Variants in GLT1D1 observed in about 807,000 individuals in gnomAD.
The protein encoded by GLT1D1 is glycosyltransferase 1 domain containing 1, also known as glycosyltransferase 1 domain-containing protein 1.
In GLT1D1, 21 loss-of-function variants were observed where a neutral mutation model predicts 28.7. The ratio of observed to expected loss-of-function variants is 0.73; its 90% CI spans 0.52 to 1.05. The LOEUF (loss-of-function observed/expected upper bound fraction) is 1.05, where lower values mean the gene tolerates loss of function less well. Ranked by LOEUF, GLT1D1 falls within the 50% of genes least tolerant of loss-of-function variation. The pLI is 0.00. For missense variants in GLT1D1, 343 were observed against 330.6 expected, an observed-to-expected ratio of 1.04 and a Z score of -0.29; for synonymous variants, 147 against 124.8, an observed-to-expected ratio of 1.18 and a Z score of -1.19.
intron 7 of GLT1D1, among the ~76,000 whole-genome samples, chr12:128,958,547 C>A (rs1269924406): frequency 2.8e-5 from 4 of 144,346 alleles, no homozygotes; most frequent in Non-Finnish European, 6.0e-5. Flanking sequence ...TTGAGACCAG[C>A]CTGGGCAACA....
At position 128,983,156 on chromosome 12, in the gene GLT1D1, T is replaced by A; in HGVS notation, c.*66T>A. ...TCTGGGTGCACACTCAGAGACAGAGTTCTGGATCACGTGGGCCCAGTGCAG... is the reference window on the plus strand; with the variant it reads ...TCTGGGTGCACACTCAGAGACAGAGATCTGGATCACGTGGGCCCAGTGCAG... On this transcript the variant is annotated 3_prime_UTR_variant, in exon 8 of 8. Transcript: ENST00000281703. The surrounding 1 kb of genome is among the most constrained non-coding windows in gnomAD (Gnocchi z 4.7). The A allele has an allele frequency of 6.8e-7, 1 of 1,480,366 alleles. No individual in the cohort carries two copies. The highest frequency in any genetic ancestry group is 1.4e-5 in the African/African-American group (1 of 71,880). 91.7% of individuals were successfully genotyped at this position (1,480,366 alleles called of 1,614,324 possible). A position where few individuals can be genotyped will look rare whatever the true frequency, so the allele number is the denominator to read the frequency against.
intron 4 of GLT1D1, among the ~76,000 whole-genome samples, chr12:128,925,839 T>C (rs1873146188): frequency 6.6e-6 from 1 of 151,908 alleles, no homozygotes. Context: ...CAGCCTGAGC[T>C]CAGCTCCATT....
intron 1 of GLT1D1, among the ~76,000 whole-genome samples, chr12:128,872,932 G>A (rs1459127278): frequency 6.6e-6 from 1 of 151,898 alleles, no homozygotes; most frequent in African/African-American, 2.4e-5. Context: ...TCGCTCTGTT[G>A]AGACCCAGGC....
intron 7 of GLT1D1, among the ~76,000 whole-genome samples, chr12:128,962,561 G>GCC (rs1878072365): frequency 6.6e-6 from 1 of 152,184 alleles, no homozygotes; most frequent in Non-Finnish European, 1.5e-5. Flanking sequence ...TGCAGGGGGT[G>GCC]AGGTGGCCTG....
chr12:128,876,366 T>C (rs1016225130), intron 2 of GLT1D1, among the ~76,000 whole-genome samples: 1 of 152,224 alleles, frequency 6.6e-6, no homozygotes, highest in Admixed American at 6.5e-5. Flanking sequence ...TGGAGTGCAG[T>C]GATACAATCT....
At chr12:128,892,239 G>A (rs1869143450) in intron 3 of GLT1D1, among the ~76,000 whole-genome samples, 2 of 152,050 alleles carry the variant, frequency 1.3e-5, no homozygotes, top group African/African-American at 4.8e-5. Context: ...GTGATTTGGG[G>A]GCCCAAGATA....
chr12:128,888,614 CT>C, intron 2 of GLT1D1, 24 bp from the exon 3 acceptor site: 1 of 1,517,732 alleles, frequency 6.6e-7, no homozygotes, highest in South Asian at 1.1e-5. Context: ...CTAAATTCTG[CT>C]TTGTGACTGT....
intron 3 of GLT1D1, among the ~76,000 whole-genome samples, chr12:128,897,314 G>A (rs1346688629): frequency 3.3e-5 from 5 of 152,078 alleles, no homozygotes; most frequent in Admixed American, 3.3e-4. Context: ...CATGTCAATT[G>A]CACATGTTTC....
chr12:128,975,362 G>A (rs895153203), intron 7 of GLT1D1, among the ~76,000 whole-genome samples: 1 of 152,140 alleles, frequency 6.6e-6, no homozygotes, highest in Non-Finnish European at 1.5e-5. Flanking sequence ...CTATGCACAG[G>A]GCTCATTGAC....
intron 6 of GLT1D1, among the ~76,000 whole-genome samples, chr12:128,947,728 T>C (rs1447251294): frequency 1.3e-5 from 2 of 152,190 alleles, no homozygotes; most frequent in South Asian, 2.1e-4. Context: ...CTTCTAAATA[T>C]CTCTGACAGG....
chr12:128,870,073 G>A (rs924744018), intron 1 of GLT1D1, among the ~76,000 whole-genome samples: 11 of 151,454 alleles, frequency 7.3e-5, no homozygotes, highest in African/African-American at 2.7e-4. Flanking sequence ...ACCATACCCA[G>A]CTACTTTTTG....
intron 3 of GLT1D1, among the ~76,000 whole-genome samples, chr12:128,897,779 C>T (rs1217528353): frequency 6.6e-6 from 1 of 152,170 alleles, no homozygotes; most frequent in African/African-American, 2.4e-5. Context: ...CACCATCCTC[C>T]TGCCTCAGCC....
chr12:128,893,363 G>A (rs992434279), intron 3 of GLT1D1, among the ~76,000 whole-genome samples: 1 of 152,158 alleles, frequency 6.6e-6, no homozygotes, highest in Admixed American at 6.5e-5. Flanking sequence ...CACACGATAG[G>A]TTAAACGAGG....
At chr12:128,886,092 G>C (rs1953871044) in intron 2 of GLT1D1, among the ~76,000 whole-genome samples, 1 of 152,148 alleles carries the variant, frequency 6.6e-6, no homozygotes, top group African/African-American at 2.4e-5. Context: ...TGCACACGCT[G>C]TCTTCTCTTG....
chr12:128,929,998 C>G (rs1287920519), intron 4 of GLT1D1, among the ~76,000 whole-genome samples: 1 of 152,042 alleles, frequency 6.6e-6, no homozygotes, highest in Admixed American at 6.6e-5. Context: ...CAAATAAAAA[C>G]ATCAAGGGCT....
rs982322059 is a variant in GLT1D1 at position 128,861,754 on chromosome 12, G to A, written c.68+8105G>A. Among the ~76,000 whole-genome samples the A allele has an allele frequency of 4.6e-5, 7 of 152,112 alleles. 1 individual carries two copies. The South Asian group carries it at 6.3e-4, about 14-fold the overall frequency. The stretch of plus-strand genomic sequence containing the variant: ...ACACGGACCAGAAAGGAGAGAAAGC[G>A]AAGGAAGAAATGCAAACATCCTTTG... On this transcript the variant is annotated intron_variant, in intron 1 of 7. Transcript: ENST00000281703.
intron 7 of GLT1D1, among the ~76,000 whole-genome samples, chr12:128,965,449 G>A (rs1236161811): frequency 1.3e-5 from 2 of 152,140 alleles, no homozygotes. Flanking sequence ...CAGGCTCGTG[G>A]GATGCTGAGC....
intron 2 of GLT1D1, among the ~76,000 whole-genome samples, chr12:128,888,292 C>T (rs1868626906): frequency 6.6e-6 from 1 of 152,022 alleles, no homozygotes; most frequent in Non-Finnish European, 1.5e-5. Context: ...CTTTTTTTGT[C>T]ATGAATTTTG....
intron 4 of GLT1D1, among the ~76,000 whole-genome samples, chr12:128,936,251 T>G (rs1436818904): frequency 6.7e-6 from 1 of 149,294 alleles, no homozygotes; most frequent in Non-Finnish European, 1.5e-5. Flanking sequence ...GCCTCCCGGG[T>G]TCACGCCATT....
Sources: allele counts gnomAD v4.1 joint callset (sites outside exome capture counted in the v4.1 genomes callset), GRCh38; gene constraint gnomAD v4.1.1; non-coding constraint Gnocchi (gnomAD v3.1); transcripts MANE v1.5; gene names NCBI Gene and HGNC (gene_info 2026-07-23, HGNC 2026-07-21).